XKR6: variants seen among roughly 807,000 people sequenced by gnomAD.
The protein encoded by XKR6 is XK-related protein 6.
A neutral mutation model predicts 56.7 loss-of-function variants in XKR6; 22 were observed. The ratio of observed to expected loss-of-function variants is 0.39; its 90% CI spans 0.28 to 0.55. The LOEUF is 0.55. Among genes scored for constraint, XKR6 ranks in the 20% least tolerant of loss-of-function variants. The probability of loss-of-function intolerance (pLI) is 0.66; values close to 1 mark genes in which losing one functional copy is unlikely to be tolerated. For missense variants in XKR6, 852 were observed against 889.0 expected (o/e 0.96, Z 0.53); for synonymous variants, 524 against 387.8 (o/e 1.35, Z -4.13).
chr8:11,036,415 G>A (rs757348395), intron 1 of XKR6, among the ~76,000 whole-genome samples: 1 of 152,172 alleles, frequency 6.6e-6, no homozygotes, highest in Non-Finnish European at 1.5e-5. Context: ...ATCTTCTCTG[G>A]TCAAAGAGTT....
chr8:11,016,080 G>A (rs937170825), intron 1 of XKR6, among the ~76,000 whole-genome samples: 1 of 152,072 alleles, frequency 6.6e-6, no homozygotes, highest in African/African-American at 2.4e-5. Context: ...CACAAGCCCC[G>A]AGCTCGCCAG....
chr8:11,167,423 C>T (rs561485463), intron 1 of XKR6, among the ~76,000 whole-genome samples: 2 of 152,308 alleles, frequency 1.3e-5, no homozygotes, highest in South Asian at 2.1e-4. Context: ...GTCAGGGATA[C>T]TTGACAAGGT....
chr8:10,898,156 C>T lies in XKR6; in HGVS notation c.1722G>A (p.Leu574=), dbSNP rs1295721234. 1.1e-5 allele frequency: 18 copies of T among 1,613,912 alleles called. No homozygotes were observed. The highest frequency in any genetic ancestry group is 1.7e-5 in the Admixed American group (1 of 59,994). Residue 574 remains leucine, a synonymous_variant, in exon 3 of 3, where the codon TTG becomes TTA. Coordinates refer to ENST00000416569, the MANE Select transcript of XKR6 (RefSeq NM_173683.4). The surrounding 1 kb of genome is among the most constrained non-coding windows in gnomAD (Gnocchi z 6.6). ...QVRPMGPPTP[L]GRPYLPEGPL... ...GCCCTTCTGGGAGGTAAGGACGCCCCAACGGGGTAGGGGGCCCCATGGGTC... is the reference window on the plus strand; with the variant it reads ...GCCCTTCTGGGAGGTAAGGACGCCCTAACGGGGTAGGGGGCCCCATGGGTC...
intron 2 of XKR6, among the ~76,000 whole-genome samples, chr8:10,915,149 C>T (rs957287098): frequency 6.6e-6 from 1 of 152,216 alleles, no homozygotes; most frequent in Admixed American, 6.5e-5. Flanking sequence ...AAAATATTTG[C>T]TTTGTTTATT....
chr8:10,970,732 A>G (rs1471667449), intron 1 of XKR6, among the ~76,000 whole-genome samples: 2 of 151,942 alleles, frequency 1.3e-5, no homozygotes, highest in African/African-American at 4.8e-5. Context: ...TAACTAGAGA[A>G]CTACCTTTAC....
At chr8:11,045,412 A>G (rs1184361814) in intron 1 of XKR6, among the ~76,000 whole-genome samples, 1 of 152,146 alleles carries the variant, frequency 6.6e-6, no homozygotes, top group Non-Finnish European at 1.5e-5. Context: ...AAGATATTAA[A>G]TATATCAATC....
chr8:11,076,078 G>C (rs1347879093), intron 1 of XKR6, among the ~76,000 whole-genome samples: 9 of 152,132 alleles, frequency 5.9e-5, no homozygotes, highest in African/African-American at 2.2e-4. Context: ...TACAACACGG[G>C]CGAACCTCGA....
rs770092818 is a variant in XKR6, at chr8:11,059,405, G to T, written c.765-134575C>A. Reference sequence around the variant, plus strand: ...GCGAACTGGAGCCGGGCTGGCGCCCGAAGGGAGTCCCCGGCCGAGGGCAGC... The same window carrying T: ...GCGAACTGGAGCCGGGCTGGCGCCCTAAGGGAGTCCCCGGCCGAGGGCAGC... On this transcript the variant is annotated intron_variant, in intron 1 of 2. Transcript: ENST00000416569. Among the ~76,000 whole-genome samples, 32 of 152,352 alleles carry T rather than the reference G, an allele frequency of 2.1e-4. 1 individual carries two copies.
intron 1 of XKR6, among the ~76,000 whole-genome samples, chr8:11,076,683 T>A (rs927971481): frequency 6.6e-6 from 1 of 152,076 alleles, no homozygotes; most frequent in Non-Finnish European, 1.5e-5. Flanking sequence ...CAGAGGACAG[T>A]AAGGAAGGGT....
chr8:11,131,477 C>A (rs1385235558), intron 1 of XKR6, among the ~76,000 whole-genome samples: 2 of 152,110 alleles, frequency 1.3e-5, no homozygotes, highest in Non-Finnish European at 2.9e-5. Context: ...ACTTAAACTT[C>A]ATGATGTAAA....
intron 1 of XKR6, among the ~76,000 whole-genome samples, chr8:11,194,099 C>A (rs938063208): frequency 2.6e-5 from 4 of 152,138 alleles, no homozygotes; most frequent in African/African-American, 4.8e-5. Context: ...CGAATCAGCA[C>A]CTAGGAGACA....
chr8:10,954,259 T>C (rs1801810126), intron 1 of XKR6, among the ~76,000 whole-genome samples: 1 of 152,262 alleles, frequency 6.6e-6, no homozygotes, highest in Non-Finnish European at 1.5e-5. Context: ...TCATCGTGGC[T>C]GCACCATTTT....
intron 1 of XKR6, among the ~76,000 whole-genome samples, chr8:11,017,352 A>G (rs1798649332): frequency 6.6e-6 from 1 of 152,224 alleles, no homozygotes; most frequent in Non-Finnish European, 1.5e-5. Context: ...AATAGACACG[A>G]AGCTGCAGGT....
intron 1 of XKR6, among the ~76,000 whole-genome samples, chr8:10,936,269 C>T (rs1381758577): frequency 2.7e-5 from 4 of 150,218 alleles, no homozygotes; most frequent in African/African-American, 9.8e-5. Context: ...CTTTCTCCAT[C>T]CTTTTATTTT....
intron 1 of XKR6, among the ~76,000 whole-genome samples, chr8:11,023,059 G>A (rs1798782023): frequency 6.6e-6 from 1 of 152,164 alleles, no homozygotes; most frequent in African/African-American, 2.4e-5. Context: ...TCAAACTCCA[G>A]ACCAAAGGCT....
chr8:11,034,899 C>A (rs1039108686), intron 1 of XKR6, among the ~76,000 whole-genome samples: 1 of 152,204 alleles, frequency 6.6e-6, no homozygotes, highest in African/African-American at 2.4e-5. Flanking sequence ...ATAAGCTGGG[C>A]TTCTCCTGCG....
chr8:11,096,922 T>C (rs1207907360), intron 1 of XKR6, among the ~76,000 whole-genome samples: 4 of 152,264 alleles, frequency 2.6e-5, no homozygotes, highest in East Asian at 3.8e-4. Context: ...GGTTTCAGGA[T>C]GGCAGATTCT....
intron 2 of XKR6, among the ~76,000 whole-genome samples, chr8:10,917,018 T>C (rs1217089785): frequency 6.6e-6 from 1 of 151,626 alleles, no homozygotes; most frequent in Non-Finnish European, 1.5e-5. Context: ...GGAAAATCAG[T>C]GTTTATATGC....
chr8:11,181,835 T>G (rs1802997590), intron 1 of XKR6, among the ~76,000 whole-genome samples: 1 of 152,160 alleles, frequency 6.6e-6, no homozygotes, highest in Non-Finnish European at 1.5e-5. Context: ...AGTATCTTCT[T>G]CCACAAAGCT....
Sources: allele counts gnomAD v4.1 joint callset (sites outside exome capture counted in the v4.1 genomes callset), GRCh38; gene constraint gnomAD v4.1.1; non-coding constraint Gnocchi (gnomAD v3.1); transcripts MANE v1.5; gene names NCBI Gene and HGNC (gene_info 2026-07-23, HGNC 2026-07-21).